CACNA2D3: variants seen among roughly 807,000 people sequenced by gnomAD.
CACNA2D3 encodes calcium voltage-gated channel auxiliary subunit alpha2delta 3, also known as voltage-dependent calcium channel subunit alpha-2/delta-3.
A neutral mutation model predicts 160.6 loss-of-function variants in CACNA2D3; 60 were observed. The ratio of observed to expected loss-of-function variants is 0.37; its 90% CI spans 0.30 to 0.46. The LOEUF (loss-of-function observed/expected upper bound fraction) is 0.46. Among genes scored for constraint, CACNA2D3 ranks in the 20% least tolerant of loss-of-function variants. The pLI, the probability that CACNA2D3 is intolerant of heterozygous loss-of-function variation, is 1.00. For synonymous variants in CACNA2D3, 558 were observed against 492.9 expected, an observed-to-expected ratio of 1.13 and a Z score of -1.75; for missense variants, 1,205 against 1,365.0, an observed-to-expected ratio of 0.88 and a Z score of 1.85.
intron 13 of CACNA2D3, among the ~76,000 whole-genome samples, chr3:54,813,891 A>C (rs1284549227): frequency 7.4e-6 from 1 of 134,646 alleles, no homozygotes; most frequent in Non-Finnish European, 1.5e-5. Context: ...TTGAGACAGG[A>C]TCTCACTCTG....
intron 5 of CACNA2D3, among the ~76,000 whole-genome samples, chr3:54,508,242 G>C (rs897996183): frequency 2.6e-5 from 4 of 152,218 alleles, no homozygotes; most frequent in Non-Finnish European, 1.5e-5. Context: ...AGGAGGTCAT[G>C]AACATGATGG....
In CACNA2D3 at chr3:54,618,352, C is replaced by CATACATACATACATAT. The variant is rs56316245; in HGVS notation, c.964-9432_964-9431insCATACATACATATATA. 8.3e-5 allele frequency among the ~76,000 whole-genome samples: 10 copies of CATACATACATACATAT among 119,890 alleles called. No individual in the cohort carries two copies. The Admixed American group carries it at 8.7e-4, about 10-fold the overall frequency. 78.7% of individuals were successfully genotyped at this position (119,890 alleles called of 152,430 possible). On this transcript the variant is annotated intron_variant, in intron 9 of 37. Coordinates refer to ENST00000474759, the MANE Select transcript of CACNA2D3 (RefSeq NM_018398.3). Reference sequence around the variant, plus strand: ...AAGTTCAAATTGATGTTGATACATACATATATATATATATATATATATGCA... The same window carrying CATACATACATACATAT: ...AAGTTCAAATTGATGTTGATACATACATACATACATACATATATATATATATATATATATATATGCA...
At chr3:54,900,498 G>A (rs1476806979) in intron 27 of CACNA2D3, among the ~76,000 whole-genome samples, 1 of 152,114 alleles carries the variant, frequency 6.6e-6, no homozygotes, top group Non-Finnish European at 1.5e-5. Context: ...GTGGCATTTG[G>A]CCTAAAGGGC....
chr3:54,328,790 C>T (rs1704176678), intron 3 of CACNA2D3, among the ~76,000 whole-genome samples: 1 of 152,068 alleles, frequency 6.6e-6, no homozygotes, highest in Admixed American at 6.6e-5. Flanking sequence ...CTTGGAGGGG[C>T]CCTCCCCTTC....
At chr3:54,144,887 A>T (rs1282595233) in intron 2 of CACNA2D3, among the ~76,000 whole-genome samples, 2 of 152,218 alleles carry the variant, frequency 1.3e-5, no homozygotes, top group Admixed American at 1.3e-4. Flanking sequence ...CAAGCTTAGG[A>T]CTATAGGAAT....
At chr3:54,591,736 C>G (rs1388529225) in intron 9 of CACNA2D3, among the ~76,000 whole-genome samples, 1 of 152,070 alleles carries the variant, frequency 6.6e-6, no homozygotes, top group Non-Finnish European at 1.5e-5. Context: ...TGTCTAAACA[C>G]CCTGAATGGA....
intron 2 of CACNA2D3, among the ~76,000 whole-genome samples, chr3:54,299,111 A>G (rs62254144): frequency 0.15 from 22,510 of 151,574 alleles, 1,777 homozygotes; most frequent in East Asian, 0.3. Context: ...TGTGAGATGT[A>G]CCTTTTGATA....
chr3:54,445,451 A>C (rs1290046420), intron 4 of CACNA2D3, among the ~76,000 whole-genome samples: 1 of 152,122 alleles, frequency 6.6e-6, no homozygotes, highest in African/African-American at 2.4e-5. Flanking sequence ...TTCATAGATA[A>C]AAGCAACTTG....
In CACNA2D3 at chr3:54,915,650, T is replaced by A. The variant is rs1180323677; in HGVS notation, c.2449+15782T>A. ...TGGGTCTTTCATCTGCAATGTTTTT[T>A]ACAGTTAAAACATTTCATTTCTCAT... is the stretch of plus-strand genomic sequence containing the variant. On this transcript the variant is annotated intron_variant, in intron 27 of 37. Coordinates refer to ENST00000474759, the MANE Select transcript of CACNA2D3 (RefSeq NM_018398.3). 2.6e-5 allele frequency among the ~76,000 whole-genome samples: 4 copies of A among 152,234 alleles called. No individual in the cohort carries two copies. The East Asian group carries it at 5.8e-4, about 22-fold the overall frequency.
At chr3:54,766,641 G>A (rs973512651) in intron 13 of CACNA2D3, among the ~76,000 whole-genome samples, 1 of 152,116 alleles carries the variant, frequency 6.6e-6, no homozygotes, top group Non-Finnish European at 1.5e-5. Flanking sequence ...ATATGCACAA[G>A]TTTGTTCTTT....
intron 11 of CACNA2D3, among the ~76,000 whole-genome samples, chr3:54,683,519 T>A (rs1020945100): frequency 1.3e-5 from 2 of 152,188 alleles, no homozygotes; most frequent in African/African-American, 4.8e-5. Flanking sequence ...TTTCTTTGAC[T>A]ATAAAATGGA....
intron 5 of CACNA2D3, among the ~76,000 whole-genome samples, chr3:54,534,547 C>A (rs1156394225): frequency 2.6e-5 from 4 of 152,026 alleles, no homozygotes; most frequent in African/African-American, 9.7e-5. Context: ...TGGCCTCTCT[C>A]TCTTCATTCG....
At chr3:54,780,157 A>C (rs1406704723) in intron 13 of CACNA2D3, among the ~76,000 whole-genome samples, 2 of 152,230 alleles carry the variant, frequency 1.3e-5, no homozygotes, top group African/African-American at 4.8e-5. Flanking sequence ...TGGTGGTACT[A>C]AGAGAGAGTC....
chr3:54,564,969 T>A (rs560540894), intron 6 of CACNA2D3, among the ~76,000 whole-genome samples: 2 of 152,202 alleles, frequency 1.3e-5, no homozygotes, highest in Non-Finnish European at 2.9e-5. Context: ...ATTTCTGCCT[T>A]CTTCCATTCT....
chr3:54,210,442 TTGTGTGTGTG>T (rs112519809), intron 2 of CACNA2D3, among the ~76,000 whole-genome samples: 29 of 148,076 alleles, frequency 2.0e-4, no homozygotes, highest in Non-Finnish European at 3.6e-4. Flanking sequence ...GTGTGTGTGT[TTGTGTGTGTG>T]TGTGTGTGTT....
intron 3 of CACNA2D3, among the ~76,000 whole-genome samples, chr3:54,359,958 G>C (rs1281833340): frequency 1.3e-5 from 2 of 152,154 alleles, no homozygotes; most frequent in Non-Finnish European, 2.9e-5. Context: ...TGTACTAGGT[G>C]AAGGACATGT....
intron 14 of CACNA2D3, among the ~76,000 whole-genome samples, chr3:54,835,863 G>A (rs1698665838): frequency 6.6e-6 from 1 of 152,176 alleles, no homozygotes; most frequent in African/African-American, 2.4e-5. Context: ...AAAAGAAGCT[G>A]GCATCCTTTG....
chr3:54,234,963 CAT>C (rs1701846730), intron 2 of CACNA2D3, among the ~76,000 whole-genome samples: 1 of 152,116 alleles, frequency 6.6e-6, no homozygotes, highest in African/African-American at 2.4e-5. Flanking sequence ...CCCCAAGACA[CAT>C]GTTTACCTGT....
chr3:54,807,624 A>C (rs995442822), intron 13 of CACNA2D3, among the ~76,000 whole-genome samples: 2 of 151,622 alleles, frequency 1.3e-5, no homozygotes, highest in Admixed American at 1.3e-4. Context: ...AAACTAGTTC[A>C]ACCATTGTGG....
Sources: allele counts gnomAD v4.1 joint callset (sites outside exome capture counted in the v4.1 genomes callset), GRCh38; gene constraint gnomAD v4.1.1; transcripts MANE v1.5; gene names NCBI Gene and HGNC (gene_info 2026-07-23, HGNC 2026-07-21).